Variants in PRKACB observed in about 807,000 individuals in gnomAD.
The protein encoded by PRKACB is protein kinase cAMP-activated catalytic subunit beta.
In PRKACB, 16 loss-of-function variants were observed where a neutral mutation model predicts 51.4. That is an observed-to-expected ratio of 0.31 (90% CI 0.21 to 0.47). The LOEUF (loss-of-function observed/expected upper bound fraction) is 0.47. Among genes scored for constraint, PRKACB ranks in the 20% least tolerant of loss-of-function variants. The pLI, the probability that PRKACB is intolerant of heterozygous loss-of-function variation, is 1.00. For missense variants in PRKACB, 309 were observed against 464.5 expected, an observed-to-expected ratio of 0.67 and a Z score of 3.08; for synonymous variants, 147 against 154.4, an observed-to-expected ratio of 0.95 and a Z score of 0.35.
intron 5 of PRKACB, among the ~76,000 whole-genome samples, chr1:84,191,148 A>G (rs1036122987): frequency 6.6e-6 from 1 of 152,070 alleles, no homozygotes; most frequent in Non-Finnish European, 1.5e-5. Context: ...TTTTTGTGGT[A>G]GCAGATATTG....
chr1:84,113,337 T>C (rs1557953129), intron 1 of PRKACB, among the ~76,000 whole-genome samples: 1 of 152,162 alleles, frequency 6.6e-6, no homozygotes, highest in African/African-American at 2.4e-5. Flanking sequence ...GAAACACTTA[T>C]ACATGTTCAA....
At chr1:84,182,357 A>C (rs1663779540) in intron 3 of PRKACB, 29 bp downstream of exon 3, 1 of 1,487,746 alleles carries the variant, frequency 6.7e-7, no homozygotes, top group Non-Finnish European at 9.0e-7. Flanking sequence ...ATTTACCTTC[A>C]GGGTAAACTT....
chr1:84,185,352 A>T (rs189406937), intron 5 of PRKACB, among the ~76,000 whole-genome samples, 170 bp downstream of exon 5: 1 of 151,992 alleles, frequency 6.6e-6, no homozygotes, highest in Admixed American at 6.5e-5. Context: ...TAATATAAAG[A>T]ATATAAAAAT....
chr1:84,148,734 TTAAG>T (rs1333057467), intron 1 of PRKACB, among the ~76,000 whole-genome samples: 7 of 152,158 alleles, frequency 4.6e-5, no homozygotes, highest in Non-Finnish European at 7.4e-5. Flanking sequence ...CAATAAAAAT[TTAAG>T]TAACAAGCAG....
rs1028312827 is a variant in PRKACB at position 84,236,521 on chromosome 1, G to C, written c.*1216G>C. On this transcript the variant is annotated 3_prime_UTR_variant, in exon 10 of 10. Transcript: ENST00000370685. ...CAAAGTGTATAAAACTGCCACAATT[G>C]TATTTTAATTTTGAGGTATGATATT... is the stretch of plus-strand genomic sequence containing the variant. 13 of 152,664 alleles carry C rather than the reference G, an allele frequency of 8.5e-5. No homozygotes were observed. The highest frequency in any genetic ancestry group is 2.9e-4 in the African/African-American group (12 of 41,546). 9.5% of individuals were successfully genotyped at this position (152,664 alleles called of 1,614,324 possible).
chr1:84,159,484 T>A (rs1180309465), intron 1 of PRKACB, among the ~76,000 whole-genome samples: 1 of 152,140 alleles, frequency 6.6e-6, no homozygotes, highest in Non-Finnish European at 1.5e-5. Context: ...AAACTCATTT[T>A]TTAGTTCTAG....
At chr1:84,138,592 T>C (rs901099933) in intron 1 of PRKACB, among the ~76,000 whole-genome samples, 2 of 152,116 alleles carry the variant, frequency 1.3e-5, no homozygotes, top group Non-Finnish European at 2.9e-5. Flanking sequence ...TTCTGGGAAA[T>C]TCTACAAAAC....
rs573374685 is a variant in PRKACB at position 84,171,654 on chromosome 1, A to G, written c.188-7523A>G. 9.9e-5 allele frequency among the ~76,000 whole-genome samples: 15 copies of G among 151,760 alleles called. 1 individual carries two copies. Among genetic ancestry groups the G allele is most frequent in the African/African-American group, 3.6e-4 (15 of 41,510 alleles). Reference sequence around the variant, plus strand: ...GAATAGGAAAAGGATGTCCACTGCCATTGTTTCTGTACATCATTGTACTGT... The same window carrying G: ...GAATAGGAAAAGGATGTCCACTGCCGTTGTTTCTGTACATCATTGTACTGT... On this transcript the variant is annotated intron_variant, in intron 1 of 9. Transcript: ENST00000370685.
At chr1:84,082,831 A>G (rs1369652706) in intron 1 of PRKACB, among the ~76,000 whole-genome samples, 1 of 152,196 alleles carries the variant, frequency 6.6e-6, no homozygotes, top group Non-Finnish European at 1.5e-5. Context: ...TTGTTTTTGC[A>G]TTTAATAGAA....
At chr1:84,108,056 G>C (rs1400778759) in intron 1 of PRKACB, among the ~76,000 whole-genome samples, 1 of 152,136 alleles carries the variant, frequency 6.6e-6, no homozygotes, top group East Asian at 1.9e-4. Context: ...ATTCACAATA[G>C]CACAGACATG....
rs1036934018 is a variant in PRKACB, at chr1:84,236,246, TAAGC to T, written c.*944_*947del. The T allele has an allele frequency of 1.3e-5, 2 of 152,562 alleles. No individual in the cohort carries two copies. Among genetic ancestry groups the T allele is most frequent in the African/African-American group, 4.8e-5 (2 of 41,422 alleles). 9.5% of individuals were successfully genotyped at this position (152,562 alleles called of 1,614,324 possible). A position where few individuals can be genotyped will look rare whatever the true frequency, so the allele number is the denominator to read the frequency against. Reference sequence around the variant, plus strand: ...TCATCATAAACTTTTTAAAGGAAAATAAGCAAACTAAAAAGAACATTGGTTTAGA... The same window carrying T: ...TCATCATAAACTTTTTAAAGGAAAATAAACTAAAAAGAACATTGGTTTAGA... On this transcript the variant is annotated 3_prime_UTR_variant, in exon 10 of 10. Coordinates refer to ENST00000370685, the MANE Select transcript of PRKACB (RefSeq NM_182948.4).
chr1:84,215,391 TAA>T (rs1349969178), intron 9 of PRKACB, among the ~76,000 whole-genome samples: 1 of 152,166 alleles, frequency 6.6e-6, no homozygotes, highest in Non-Finnish European at 1.5e-5. Context: ...GATGGTCGTA[TAA>T]ATAAATGTAA....
At chr1:84,082,094 A>G (rs1212592885) in intron 1 of PRKACB, among the ~76,000 whole-genome samples, 4 of 152,236 alleles carry the variant, frequency 2.6e-5, no homozygotes, top group Non-Finnish European at 2.9e-5. Context: ...ACTGTAAAGC[A>G]CTTGAGTTAT....
intron 1 of PRKACB, chr1:84,173,257 A>G (rs767377788): frequency 3.3e-6 from 4 of 1,218,150 alleles, no homozygotes; most frequent in East Asian, 2.5e-5. Flanking sequence ...GTGAACATGT[A>G]TAGATGGGTA....
intron 1 of PRKACB, among the ~76,000 whole-genome samples, chr1:84,078,688 G>A (rs927618646): frequency 1.3e-5 from 2 of 152,226 alleles, no homozygotes; most frequent in African/African-American, 4.8e-5. Context: ...GAGGAAAGAA[G>A]TCCCTAGTGC....
intron 8 of PRKACB, among the ~76,000 whole-genome samples, chr1:84,210,722 C>T (rs1440630905): frequency 1.3e-5 from 2 of 152,156 alleles, no homozygotes; most frequent in East Asian, 3.9e-4. Context: ...CTCTTCCCAT[C>T]ATAGAAATCT....
At chr1:84,216,490 T>A (rs1002231084) in intron 9 of PRKACB, among the ~76,000 whole-genome samples, 1 of 152,234 alleles carries the variant, frequency 6.6e-6, no homozygotes, top group Non-Finnish European at 1.5e-5. Flanking sequence ...GTTAAGTTCA[T>A]GAATCATGGC....
At chr1:84,190,362 AATTT>A (rs1467566097) in intron 5 of PRKACB, among the ~76,000 whole-genome samples, 5 of 151,910 alleles carry the variant, frequency 3.3e-5, no homozygotes, top group African/African-American at 1.2e-4. Context: ...ACATTCACCT[AATTT>A]ATTCATTTTT....
chr1:84,169,527 G>A (rs1482911370), intron 1 of PRKACB, among the ~76,000 whole-genome samples: 2 of 151,282 alleles, frequency 1.3e-5, no homozygotes, highest in African/African-American at 4.8e-5. Context: ...TCTCCAGATA[G>A]ACCCTAATAG....
Sources: gnomAD v4.1 joint callset for allele counts (sites outside exome capture counted in the v4.1 genomes callset) on GRCh38, gnomAD v4.1.1 for gene constraint, MANE v1.5 for transcripts, NCBI Gene and HGNC (gene_info 2026-07-23, HGNC 2026-07-21) for gene names.